Variants in SH3BGRL2 observed in about 807,000 individuals in gnomAD.
SH3BGRL2 encodes the protein SH3 domain-binding glutamic acid-rich-like protein 2.
A neutral mutation model predicts 14.8 loss-of-function variants in SH3BGRL2; 21 were observed. The ratio of observed to expected loss-of-function variants is 1.42; its 90% CI spans 1.01 to 2.05. The LOEUF is 2.05. SH3BGRL2 is among the 30% of genes most tolerant of loss of function. The pLI is 0.00. For missense variants in SH3BGRL2, 147 were observed against 130.8 expected, an observed-to-expected ratio of 1.12 and a Z score of -0.61; for synonymous variants, 50 against 47.8, an observed-to-expected ratio of 1.05 and a Z score of -0.19.
At chr6:79,638,114 TG>T (rs1453810929) in intron 1 of SH3BGRL2, among the ~76,000 whole-genome samples, 1 of 152,182 alleles carries the variant, frequency 6.6e-6, no homozygotes, top group Non-Finnish European at 1.5e-5. Context: ...TATTTCTTTG[TG>T]TTGGGAATAT....
chr6:79,613,632 A>G, the SH3BGRL2 span, among the ~76,000 whole-genome samples: 11 of 151,690 alleles, frequency 7.3e-5, no homozygotes, highest in East Asian at 1.9e-3. Flanking sequence ...TTTTTTTGAG[A>G]CAGAGTTTCA....
chr6:79,600,790 T>C, the SH3BGRL2 span, among the ~76,000 whole-genome samples: 1 of 152,220 alleles, frequency 6.6e-6, no homozygotes, highest in African/African-American at 2.4e-5. Flanking sequence ...ATGTCTTTCA[T>C]CTGAAGTGGG....
rs1315997117 is a variant in SH3BGRL2 at position 79,652,104 on chromosome 6, T to C, written c.45+20598T>C. ...GAACAACTGGGTAGGCTTAGTTGAG[T>C]GCAGTGTGGATTTGAGGCTGAGTTG... On this transcript the variant is annotated intron_variant, in intron 1 of 3. Coordinates refer to ENST00000369838, the MANE Select transcript of SH3BGRL2 (RefSeq NM_031469.4). 2.6e-5 allele frequency among the ~76,000 whole-genome samples: 4 copies of C among 152,050 alleles called. No individual in the cohort carries two copies. In the South Asian group the frequency reaches 6.2e-4, roughly 24 times the overall value.
intron 1 of SH3BGRL2, among the ~76,000 whole-genome samples, chr6:79,636,983 C>T (rs1768937011): frequency 6.6e-6 from 1 of 152,088 alleles, no homozygotes; most frequent in Admixed American, 6.5e-5. Context: ...TGAGACATAA[C>T]TCAACACATA....
the SH3BGRL2 span, among the ~76,000 whole-genome samples, chr6:79,545,149 CTCA>C: frequency 6.6e-6 from 1 of 152,198 alleles, no homozygotes. Flanking sequence ...GAACTTCTGA[CTCA>C]TCATCTTAAC....
chr6:79,656,065 G>A (rs1199054661), intron 1 of SH3BGRL2, among the ~76,000 whole-genome samples: 1 of 152,198 alleles, frequency 6.6e-6, no homozygotes, highest in African/African-American at 2.4e-5. Context: ...TAAAGCAGAG[G>A]CATGAAATCA....
At chr6:79,564,947 C>T in the SH3BGRL2 span, among the ~76,000 whole-genome samples, 20 of 152,058 alleles carry the variant, frequency 1.3e-4, no homozygotes, top group African/African-American at 4.1e-4. Context: ...TCTGAAAATT[C>T]CCATTTACAT....
the SH3BGRL2 span, among the ~76,000 whole-genome samples, chr6:79,609,427 A>G: frequency 6.6e-6 from 1 of 152,092 alleles, no homozygotes; most frequent in African/African-American, 2.4e-5. Flanking sequence ...TTCCAGACTC[A>G]GGGTCCTGAC....
At chr6:79,543,163 TAA>T in the SH3BGRL2 span, among the ~76,000 whole-genome samples, 1 of 152,242 alleles carries the variant, frequency 6.6e-6, no homozygotes, top group East Asian at 1.9e-4. Flanking sequence ...CATGTTAAAA[TAA>T]GTTTTTAAAA....
intron 2 of SH3BGRL2, among the ~76,000 whole-genome samples, chr6:79,686,172 A>T (rs1770086174): frequency 6.6e-6 from 1 of 152,112 alleles, no homozygotes; most frequent in African/African-American, 2.4e-5. Flanking sequence ...TTTTCTGGAA[A>T]GTTTTAGGGT....
At chr6:79,699,183 C>T (rs1430036933) in intron 3 of SH3BGRL2, among the ~76,000 whole-genome samples, 22 of 152,136 alleles carry the variant, frequency 1.4e-4, no homozygotes, top group Non-Finnish European at 2.9e-5. Context: ...TCTGCAGGCC[C>T]TCTGAGCAAG....
intron 1 of SH3BGRL2, among the ~76,000 whole-genome samples, chr6:79,631,724 G>T (rs576390058): frequency 6.6e-6 from 1 of 152,224 alleles, no homozygotes; most frequent in East Asian, 1.9e-4. Flanking sequence ...ACCCTGCGTG[G>T]CCTGAAAGGC....
At chr6:79,672,475 C>A (rs185312661) in intron 1 of SH3BGRL2, among the ~76,000 whole-genome samples, 2 of 152,056 alleles carry the variant, frequency 1.3e-5, no homozygotes, top group Admixed American at 1.3e-4. Flanking sequence ...TCTTTTTAAC[C>A]TACTAATATG....
At chr6:79,539,067 G>T in the SH3BGRL2 span, among the ~76,000 whole-genome samples, 28 of 152,266 alleles carry the variant, frequency 1.8e-4, no homozygotes, top group South Asian at 1.5e-3. Context: ...CCAAAAAATT[G>T]TCTAGTTGTG....
At chr6:79,577,258 C>T in the SH3BGRL2 span, among the ~76,000 whole-genome samples, 1 of 152,234 alleles carries the variant, frequency 6.6e-6, no homozygotes, top group Non-Finnish European at 1.5e-5. Flanking sequence ...CAATATCACA[C>T]TTCCTTGTTT....
chr6:79,649,979 T>TCACACACA (rs1420601382), intron 1 of SH3BGRL2, among the ~76,000 whole-genome samples: 1 of 94,290 alleles, frequency 1.1e-5, no homozygotes, highest in African/African-American at 4.0e-5. Context: ...TCTCTCTCTC[T>TCACACACA]CTCTCTCACA....
At chr6:79,693,952 G>A (rs982292428) in intron 2 of SH3BGRL2, among the ~76,000 whole-genome samples, 5 of 152,168 alleles carry the variant, frequency 3.3e-5, no homozygotes, top group African/African-American at 9.7e-5. Context: ...GGGAAGAAAG[G>A]AGTCCTGTGA....
At chr6:79,564,455 G>A in the SH3BGRL2 span, among the ~76,000 whole-genome samples, 1 of 152,000 alleles carries the variant, frequency 6.6e-6, no homozygotes, top group Non-Finnish European at 1.5e-5. Context: ...TACTACTTCT[G>A]CTATGATGTT....
At chr6:79,636,479 G>A (rs1768924703) in intron 1 of SH3BGRL2, among the ~76,000 whole-genome samples, 1 of 152,176 alleles carries the variant, frequency 6.6e-6, no homozygotes, top group Admixed American at 6.5e-5. Context: ...GAAGAAGCAG[G>A]AGTAAGTTGG....
Sources: gnomAD v4.1 joint callset for allele counts (sites outside exome capture counted in the v4.1 genomes callset) on GRCh38, gnomAD v4.1.1 for gene constraint, MANE v1.5 for transcripts, NCBI Gene and HGNC (gene_info 2026-07-23, HGNC 2026-07-21) for gene names.